VAC14: variants seen among roughly 807,000 people sequenced by gnomAD.
VAC14 encodes the protein VAC14 component of PIKFYVE complex.
In VAC14, 47 loss-of-function variants were observed where a neutral mutation model predicts 85.3. That is an observed-to-expected ratio of 0.55 (90% CI 0.44 to 0.70). VAC14 has a LOEUF of 0.70. VAC14 is among the 30% of genes least tolerant of loss of function. VAC14 has a pLI of 0.00. For synonymous variants in VAC14, 447 were observed against 430.5 expected (o/e 1.04, Z -0.47); for missense variants, 861 against 1,004.3 (o/e 0.86, Z 1.93).
rs1000948929 is a variant in VAC14 at position 70,801,114 on chromosome 16, C to T, written c.-214G>A. ...CCCTGGCCGCTTAACAACTCCCGCCCGGCACTAGCGGGACTCACGAGACAG... is the reference window on the plus strand; with the variant it reads ...CCCTGGCCGCTTAACAACTCCCGCCTGGCACTAGCGGGACTCACGAGACAG... On this transcript the variant is annotated 5_prime_UTR_variant, in exon 1 of 19. Coordinates refer to ENST00000261776, the MANE Select transcript of VAC14 (RefSeq NM_018052.5). The T allele has an allele frequency of 3.5e-5, 15 of 433,422 alleles. No individual in the cohort carries two copies. The highest frequency in any genetic ancestry group is 2.5e-4 in the African/African-American group (12 of 48,094). 26.8% of individuals were successfully genotyped at this position (433,422 alleles called of 1,614,324 possible).
chr16:70,790,515 G>A (rs1419716755), intron 1 of VAC14, among the ~76,000 whole-genome samples: 1 of 152,200 alleles, frequency 6.6e-6, no homozygotes, highest in African/African-American at 2.4e-5. Flanking sequence ...TTTAGGAAGG[G>A]CAGTCTGCCC....
chr16:70,774,468 T>A (rs1359695348), intron 9 of VAC14, among the ~76,000 whole-genome samples: 1 of 152,222 alleles, frequency 6.6e-6, no homozygotes, highest in African/African-American at 2.4e-5. Context: ...TGACGCACAG[T>A]GTCTGCTGGG....
chr16:70,726,367 C>T (rs1343977952), intron 14 of VAC14, among the ~76,000 whole-genome samples: 6 of 152,212 alleles, frequency 3.9e-5, no homozygotes, highest in Non-Finnish European at 7.3e-5. Context: ...GCTCTCGGCA[C>T]GGAAGGTGCC....
chr16:70,695,127 T>C (rs964000014), intron 17 of VAC14, among the ~76,000 whole-genome samples: 20 of 140,392 alleles, frequency 1.4e-4, no homozygotes, highest in Middle Eastern at 3.8e-3. Flanking sequence ...TTTTTTTTTT[T>C]CTGAGGCAGG....
chr16:70,746,317 A>G (rs1005617349), intron 12 of VAC14, among the ~76,000 whole-genome samples: 1 of 152,126 alleles, frequency 6.6e-6, no homozygotes, highest in African/African-American at 2.4e-5. Flanking sequence ...TCACTCTCAC[A>G]GACTCCCCTC....
intron 12 of VAC14, among the ~76,000 whole-genome samples, chr16:70,750,564 G>A (rs1046605190): frequency 2.6e-5 from 4 of 152,162 alleles, no homozygotes; most frequent in Non-Finnish European, 5.9e-5. Flanking sequence ...ATCTCACAAA[G>A]CAGCTCTGGA....
intron 14 of VAC14, among the ~76,000 whole-genome samples, chr16:70,725,636 G>C (rs1258089127): frequency 6.6e-6 from 1 of 152,204 alleles, no homozygotes; most frequent in African/African-American, 2.4e-5. Flanking sequence ...CATTTGCTCA[G>C]CTGGACAGGC....
At chr16:70,761,109 G>A (rs12917867) in intron 12 of VAC14, 3 of 444,300 alleles carry the variant, frequency 6.8e-6, no homozygotes, top group South Asian at 4.8e-5. Flanking sequence ...GAAAACCTCA[G>A]AGGACCTAGA....
chr16:70,767,331 C>G (rs2032895620), intron 10 of VAC14, among the ~76,000 whole-genome samples: 2 of 151,938 alleles, frequency 1.3e-5, no homozygotes, highest in African/African-American at 4.9e-5. Context: ...CATCTCTAAT[C>G]AAATCAGAAG....
intron 14 of VAC14, among the ~76,000 whole-genome samples, chr16:70,730,733 G>C (rs1477607244): frequency 1.3e-5 from 2 of 151,830 alleles, no homozygotes; most frequent in Non-Finnish European, 2.9e-5. Context: ...GAGTAGCTGG[G>C]ATTACAGGCA....
At chr16:70,753,010 G>GT (rs879333435) in intron 12 of VAC14, among the ~76,000 whole-genome samples, 18,299 of 141,336 alleles carry the variant, frequency 0.13, 1,094 homozygotes, top group Middle Eastern at 0.17. Context: ...CAGGAGGAGG[G>GT]GGTGTGTGTG....
In VAC14 at chr16:70,699,163, C is replaced by T. The variant is rs2053772631; in HGVS notation, c.1662-352G>A. 2.7e-5 allele frequency: 4 copies of T among 149,284 alleles called. No homozygotes were observed. In the South Asian group the frequency reaches 3.2e-4, roughly 12 times the overall value. The allele number at this position is 149,284 out of a possible 1,614,324, so 9.2% of individuals were successfully genotyped here. ...GAACTCCCACATGTCTGAGCAATGG[C>T]CCCCACCCCAGGCCAAGACACGCCT... On this transcript the variant is annotated intron_variant, in intron 14 of 18. Coordinates refer to ENST00000261776, the MANE Select transcript of VAC14 (RefSeq NM_018052.5).
At chr16:70,786,154 G>C in intron 2 of VAC14, 61 bp downstream of exon 2, 2 of 1,583,462 alleles carry the variant, frequency 1.3e-6, no homozygotes, top group Non-Finnish European at 8.6e-7. Flanking sequence ...AAGGCATCGG[G>C]ATGGCTTGGT....
intron 13 of VAC14, among the ~76,000 whole-genome samples, chr16:70,743,336 G>A (rs554042544): frequency 1.6e-4 from 25 of 152,304 alleles, no homozygotes; most frequent in African/African-American, 2.6e-4. Flanking sequence ...GGACGTGAGC[G>A]GGACCAAAAA....
chr16:70,768,144 C>A lies in VAC14; in HGVS notation c.1160+3965G>T, dbSNP rs569631010. On this transcript the variant is annotated intron_variant, in intron 10 of 18. Coordinates refer to ENST00000261776, the MANE Select transcript of VAC14 (RefSeq NM_018052.5). The stretch of plus-strand genomic sequence containing the variant: ...CAAGCAACCAGCCTGCCTTGGCCTC[C>A]CAAAGTGCTGGGACTACAGGCGTGA... 4.6e-5 allele frequency among the ~76,000 whole-genome samples: 7 copies of A among 152,326 alleles called. No homozygotes were observed. In the South Asian group the frequency reaches 1.5e-3, roughly 32 times the overall value.
At chr16:70,760,656 C>A in intron 12 of VAC14, among the ~76,000 whole-genome samples, 1 of 152,190 alleles carries the variant, frequency 6.6e-6, no homozygotes, top group Non-Finnish European at 1.5e-5. Context: ...CGAGTTTCCA[C>A]AGCCACAGCC....
In VAC14 at chr16:70,801,006, G is replaced by A. The variant is rs896175841; in HGVS notation, c.-106C>T. 7.1e-6 allele frequency: 5 copies of A among 705,638 alleles called. No homozygotes were observed. Among genetic ancestry groups the A allele is most frequent in the East Asian group, 6.8e-5 (2 of 29,280 alleles). The allele number at this position is 705,638 out of a possible 1,614,324, so 43.7% of individuals were successfully genotyped here. A position where few individuals can be genotyped will look rare whatever the true frequency, so the allele number is the denominator to read the frequency against. On this transcript the variant is annotated 5_prime_UTR_variant, in exon 1 of 19. Coordinates refer to ENST00000261776, the MANE Select transcript of VAC14 (RefSeq NM_018052.5). ...GCTCTGCCCCCGGCGCCGGCGCATG[G>A]ACCACGCCGCTCTAGGCTTGCCTGC...
At chr16:70,697,837 C>T (rs2053744761) in intron 15 of VAC14, among the ~76,000 whole-genome samples, 1 of 152,168 alleles carries the variant, frequency 6.6e-6, no homozygotes, top group African/African-American at 2.4e-5. Flanking sequence ...CCACTTGGCC[C>T]CAGATGCCCC....
chr16:70,750,149 G>A (rs192061109), intron 12 of VAC14, among the ~76,000 whole-genome samples: 1 of 152,302 alleles, frequency 6.6e-6, no homozygotes, highest in East Asian at 1.9e-4. Flanking sequence ...GAGAGCTAAA[G>A]ACACGCTTCT....
Sources: gnomAD v4.1 joint callset for allele counts (sites outside exome capture counted in the v4.1 genomes callset) on GRCh38, gnomAD v4.1.1 for gene constraint, MANE v1.5 for transcripts, NCBI Gene and HGNC (gene_info 2026-07-23, HGNC 2026-07-21) for gene names.